RASGEF1C: variants seen among roughly 807,000 people sequenced by gnomAD.
RASGEF1C encodes RasGEF domain family member 1C.
RASGEF1C carries 27 observed loss-of-function variants against 58.1 expected under a neutral mutation model. That is an observed-to-expected ratio of 0.46 (90% CI 0.34 to 0.64). The LOEUF (loss-of-function observed/expected upper bound fraction) is 0.64. Among genes scored for constraint, RASGEF1C ranks in the 30% least tolerant of loss-of-function variants. The pLI is 0.01. For synonymous variants in RASGEF1C, 243 were observed against 246.3 expected (o/e 0.99, Z 0.13); for missense variants, 502 against 605.1 (o/e 0.83, Z 1.79).
At chr5:180,121,230 CCT>C in intron 6 of RASGEF1C, 81 bp from the exon 7 acceptor site, 1 of 953,344 alleles carries the variant, frequency 1.0e-6, no homozygotes, top group Non-Finnish European at 1.7e-6. Flanking sequence ...AGTTCATGAT[CCT>C]TACGATCTGG....
intron 11 of RASGEF1C, 97 bp downstream of exon 11, chr5:180,114,349 G>A (rs1000178296): frequency 1.2e-5 from 14 of 1,182,782 alleles, no homozygotes; most frequent in African/African-American, 1.5e-5. Flanking sequence ...CTGCCCCAGG[G>A]TCCCCCATGA....
intron 1 of RASGEF1C, among the ~76,000 whole-genome samples, chr5:180,170,241 C>T (rs982836165): frequency 1.3e-5 from 2 of 152,146 alleles, no homozygotes; most frequent in Non-Finnish European, 2.9e-5. Context: ...GGGGAGGGGC[C>T]GAGAGCTCAG....
intron 1 of RASGEF1C, among the ~76,000 whole-genome samples, chr5:180,189,631 TGCCTGGTGGCTCAC>T (rs1322117974): frequency 1.3e-5 from 2 of 152,122 alleles, no homozygotes; most frequent in African/African-American, 4.8e-5. Context: ...ATTTCGGCCG[TGCCTGGTGGCTCAC>T]GCCTGGTGGC....
rs762495633 is a variant in RASGEF1C, at chr5:180,121,637, T to TCACACACACA, written c.715-498_715-489dup. On this transcript the variant is annotated intron_variant, in intron 6 of 13. Transcript: ENST00000361132. ...TAAAAATACATTTTAAAATGTAACT[T>TCACACACACA]CACACACACACACACACACACACAC... Among the ~76,000 whole-genome samples, 513 of 113,324 alleles carry TCACACACACA rather than the reference T, an allele frequency of 4.5e-3. 5 individuals are homozygous for TCACACACACA. The highest frequency in any genetic ancestry group is 7.6e-3 in the Admixed American group (76 of 10,042). The allele number at this position is 113,324 out of a possible 152,430, so 74.3% of individuals were successfully genotyped here. A position where few individuals can be genotyped will look rare whatever the true frequency, so the allele number is the denominator to read the frequency against.
chr5:180,120,681 G>T (rs1260769892), intron 7 of RASGEF1C, among the ~76,000 whole-genome samples: 1 of 152,232 alleles, frequency 6.6e-6, no homozygotes, highest in African/African-American at 2.4e-5. Context: ...AGTGCTCAAA[G>T]GTCGGCTCTC....
intron 8 of RASGEF1C, 87 bp downstream of exon 8, chr5:180,119,259 C>T: frequency 8.8e-7 from 1 of 1,133,102 alleles, no homozygotes; most frequent in Non-Finnish European, 1.3e-6. Flanking sequence ...AGAGCCCTGG[C>T]TTGCACTCTG....
chr5:180,144,219 G>T (rs989631800), intron 1 of RASGEF1C, among the ~76,000 whole-genome samples: 1 of 152,198 alleles, frequency 6.6e-6, no homozygotes, highest in South Asian at 2.1e-4. Context: ...GCACCGCCAT[G>T]GTTCCCCATG....
intron 1 of RASGEF1C, among the ~76,000 whole-genome samples, chr5:180,194,240 C>T: frequency 6.6e-6 from 1 of 152,156 alleles, no homozygotes; most frequent in East Asian, 1.9e-4. Flanking sequence ...CACCACGGAT[C>T]GCGTTCATTA....
rs1418815127 is a variant in RASGEF1C, at chr5:180,111,503, GGC to G, written c.1255_1256del (p.Ala419GlnfsTer14). ...KQVECPFEQD[A>X]SITHYLYTAP... ...CGGTGTACAGGTAGTGGGTGATGCT[GGC>G]GTCTTGCTCGAAGGGACACTCCACT... On this transcript the variant is annotated frameshift_variant, in exon 12 of 14. Coordinates refer to ENST00000361132, the MANE Select transcript of RASGEF1C (RefSeq NM_175062.4). LOFTEE classifies it high-confidence loss of function. 1 of 1,614,224 alleles carries G rather than the reference GGC, an allele frequency of 6.2e-7. No individual in the cohort carries two copies. Among genetic ancestry groups the G allele is most frequent in the South Asian group, 1.1e-5 (1 of 91,084 alleles).
rs1455689684 is a variant in RASGEF1C, at chr5:180,137,878, C to T, written c.175G>A (p.Glu59Lys). 13 of 1,611,754 alleles carry T rather than the reference C, an allele frequency of 8.1e-6. No individual in the cohort carries two copies. Among genetic ancestry groups the T allele is most frequent in the East Asian group, 4.5e-5 (2 of 44,840 alleles). ...HLVPTADYYP[E>K]KAYIFTFLLS... Reference sequence around the variant, plus strand: ...TGCCCGCTGGGTGGATCACCCACCTCGGGGTAGTAGTCGGCTGTGGGCACC... The same window carrying T: ...TGCCCGCTGGGTGGATCACCCACCTTGGGGTAGTAGTCGGCTGTGGGCACC... The change falls in exon 2 of 14, where the codon GAG (glutamate) becomes AAG (lysine). Residue 59 changes from glutamate to lysine, a missense_variant and splice_region_variant. By Grantham distance (56) the Glu-to-Lys change is moderately conservative. Coordinates refer to ENST00000361132, the MANE Select transcript of RASGEF1C (RefSeq NM_175062.4). This position sits in a 1 kb window ranked among gnomAD's most constrained non-coding sequence, Gnocchi z 4.1.
In RASGEF1C at chr5:180,193,835, C is replaced by G. The variant is rs557749265; in HGVS notation, c.-7+15193G>C. On this transcript the variant is annotated intron_variant, in intron 1 of 13. Coordinates refer to ENST00000361132, the MANE Select transcript of RASGEF1C (RefSeq NM_175062.4). ...GATGTGTCAACTGGCATGAAGTTTA[C>G]GCAGACAAAGTCCCCATCAGTCCAG... Among the ~76,000 whole-genome samples, 5 of 150,712 alleles carry G rather than the reference C, an allele frequency of 3.3e-5. No homozygotes were observed. The South Asian group carries it at 1.1e-3, about 32-fold the overall frequency.
At chr5:180,144,220 G>A (rs1232771107) in intron 1 of RASGEF1C, among the ~76,000 whole-genome samples, 1 of 152,180 alleles carries the variant, frequency 6.6e-6, no homozygotes, top group Non-Finnish European at 1.5e-5. Context: ...CACCGCCATG[G>A]TTCCCCATGG....
intron 1 of RASGEF1C, among the ~76,000 whole-genome samples, chr5:180,194,079 C>A (rs1157975944): frequency 6.6e-6 from 1 of 151,880 alleles, no homozygotes; most frequent in Non-Finnish European, 1.5e-5. Flanking sequence ...TGAAAGTCCA[C>A]TGGGCCTGGA....
At chr5:180,173,893 A>G (rs1258792670) in intron 1 of RASGEF1C, among the ~76,000 whole-genome samples, 1 of 142,660 alleles carries the variant, frequency 7.0e-6, no homozygotes, top group Non-Finnish European at 1.5e-5. Flanking sequence ...AGCCTGGGCA[A>G]CAGAGCGAGA....
chr5:180,144,387 C>T (rs1447391655), intron 1 of RASGEF1C, among the ~76,000 whole-genome samples: 17 of 152,208 alleles, frequency 1.1e-4, no homozygotes. Context: ...TCTGCCCTTG[C>T]TTGAATATGT....
rs1469905145 is a variant in RASGEF1C, at chr5:180,209,045, G to C, written c.-24C>G. On this transcript the variant is annotated 5_prime_UTR_variant, in exon 1 of 14. Transcript: ENST00000361132. ...CCACTCACCGGCTCCCGGCGCGCCG[G>C]AACTCCGGGCCCGGCCCATGGGCAG... is the stretch of plus-strand genomic sequence containing the variant. 7.0e-6 allele frequency: 1 copy of C among 143,684 alleles called. No individual in the cohort carries two copies. Among genetic ancestry groups the C allele is most frequent in the African/African-American group, 2.5e-5 (1 of 39,448 alleles). The allele number at this position is 143,684 out of a possible 1,614,324, so 8.9% of individuals were successfully genotyped here.
Position 180,202,235 on chromosome 5 carries a change from T to G in RASGEF1C, c.-7+6793A>C, listed in dbSNP as rs575810670. On this transcript the variant is annotated intron_variant, in intron 1 of 13. Coordinates refer to ENST00000361132, the MANE Select transcript of RASGEF1C (RefSeq NM_175062.4). The stretch of plus-strand genomic sequence containing the variant: ...AACAACCATAAAACAAAAATAAAAT[T>G]CATAGAGAAAGCAATCTAGAATACA... Among the ~76,000 whole-genome samples, 23 of 151,890 alleles carry G rather than the reference T, an allele frequency of 1.5e-4. No individual in the cohort carries two copies. In the South Asian group the frequency reaches 4.6e-3, roughly 30 times the overall value.
At position 180,148,165 on chromosome 5, in the gene RASGEF1C, ACT is replaced by A. The variant is rs1354001441; in HGVS notation, c.-6-10109_-6-10108del. Among the ~76,000 whole-genome samples the A allele has an allele frequency of 3.3e-5, 5 of 151,688 alleles. No individual in the cohort carries two copies. In the South Asian group the frequency reaches 6.2e-4, roughly 19 times the overall value. ...TTCTGTTATTAGTATGGCTGCTCCCACTCTCTTTTTGTTACTGTTTACATGGA... is the reference window on the plus strand; with the variant it reads ...TTCTGTTATTAGTATGGCTGCTCCCACTCTTTTTGTTACTGTTTACATGGA... On this transcript the variant is annotated intron_variant, in intron 1 of 13. Transcript: ENST00000361132.
chr5:180,107,770 G>A (rs896781987), intron 12 of RASGEF1C, among the ~76,000 whole-genome samples: 5 of 152,068 alleles, frequency 3.3e-5, no homozygotes, highest in Non-Finnish European at 5.9e-5. Flanking sequence ...CACCACAGCT[G>A]GCTAAATTTT....
Sources: gnomAD v4.1 joint callset for allele counts (sites outside exome capture counted in the v4.1 genomes callset) on GRCh38, gnomAD v4.1.1 for gene constraint, Gnocchi (gnomAD v3.1) non-coding constraint, MANE v1.5 for transcripts, NCBI Gene and HGNC (gene_info 2026-07-23, HGNC 2026-07-21) for gene names.